Variants in MZT2B observed in about 807,000 individuals in gnomAD.
The protein encoded by MZT2B is mitotic-spindle organizing protein 2B.
MZT2B carries 11 observed loss-of-function variants against 12.1 expected under a neutral mutation model. That is an observed-to-expected ratio of 0.91 (90% CI 0.57 to 1.50). MZT2B has a LOEUF of 1.50. Ranked by LOEUF, MZT2B falls within the 40% of genes most tolerant of loss-of-function variation. MZT2B has a pLI of 0.00. For missense variants in MZT2B, 209 were observed against 227.7 expected (o/e 0.92, Z 0.53); for synonymous variants, 85 against 109.5 (o/e 0.78, Z 1.40).
intron 2 of MZT2B, chr2:130,184,200 C>G: frequency 7.0e-7 from 1 of 1,434,340 alleles, no homozygotes; most frequent in Non-Finnish European, 9.1e-7. Flanking sequence ...ACCAACACCC[C>G]CACACCCCAG....
chr2:130,192,129 T>C (rs1267897504), downstream of MZT2B: 9 of 1,591,420 alleles, frequency 5.7e-6, no homozygotes, highest in Non-Finnish European at 6.8e-6. Flanking sequence ...AATGCCCACC[T>C]GCCAGAGAAG....
chr2:130,195,367 G>A (rs1690379656), downstream of MZT2B: 22 of 1,317,266 alleles, frequency 1.7e-5, no homozygotes, highest in Non-Finnish European at 2.2e-5. Context: ...CAGTGGCAGT[G>A]TCTGGTAGAA....
downstream of MZT2B, chr2:130,192,189 A>C: frequency 6.5e-7 from 1 of 1,545,178 alleles, no homozygotes; most frequent in Non-Finnish European, 8.7e-7. Context: ...AATGGTAGCT[A>C]CTTCTCCTCA....
chr2:130,190,283 T>C (rs1486678471), intron 2 of MZT2B, among the ~76,000 whole-genome samples, 186 bp from the exon 3 acceptor site: 1 of 152,206 alleles, frequency 6.6e-6, no homozygotes, highest in African/African-American at 2.4e-5. Flanking sequence ...TGCGAAGGGC[T>C]TCTGGGGCGT....
chr2:130,181,713 A>AGG, upstream of MZT2B: 1 of 1,547,818 alleles, frequency 6.5e-7, no homozygotes. Flanking sequence ...CGGGCGGGGA[A>AGG]GAGAAATGGC....
chr2:130,192,022 A>G (rs780566259), downstream of MZT2B: 1 of 1,614,100 alleles, frequency 6.2e-7, no homozygotes, highest in African/African-American at 1.3e-5. Context: ...AGGCGGGCCC[A>G]GGCCTCCGCA....
the MZT2B span, among the ~76,000 whole-genome samples, chr2:130,201,137 G>A: frequency 3.8e-3 from 583 of 152,334 alleles, 1 homozygote; most frequent in Non-Finnish European, 6.4e-3. Context: ...GTGGCCTTTG[G>A]GGACCTCTGA....
chr2:130,202,388 G>C, the MZT2B span: 67 of 1,290,806 alleles, frequency 5.2e-5, 1 homozygote, highest in South Asian at 3.4e-4. Context: ...AGCTACGGGG[G>C]CCAGAGAAGC....
At chr2:130,194,492 C>T, downstream of MZT2B, 1 of 1,523,650 alleles carries the variant, frequency 6.6e-7, no homozygotes, top group Non-Finnish European at 8.8e-7. Flanking sequence ...CAACGTGAGC[C>T]AATGCCCGTG....
At chr2:130,202,355 G>C in the MZT2B span, 5 of 1,290,004 alleles carry the variant, frequency 3.9e-6, no homozygotes, top group Non-Finnish European at 5.1e-6. Context: ...ACAAGGCGGC[G>C]CCTCGACAAG....
intron 2 of MZT2B, among the ~76,000 whole-genome samples, chr2:130,188,580 A>G (rs1250437182): frequency 6.6e-6 from 1 of 152,174 alleles, no homozygotes; most frequent in Non-Finnish European, 1.5e-5. Context: ...GCTCAGGGCA[A>G]CCCTGACTCC....
Position 130,190,524 on chromosome 2 carries a change from C to A in MZT2B, c.375C>A (p.Ser125Arg), listed in dbSNP as rs370291415. The change falls in exon 3 of 3, where the codon AGC becomes AGA. Residue 125 changes from serine (S) to arginine (R), a missense_variant. Ser to Arg is a moderately radical substitution (Grantham distance 110). Coordinates refer to ENST00000281871, the MANE Select transcript of MZT2B (RefSeq NM_025029.5). ...GAGCATTGGCCCTGGCGGAACGCAGCAGCCGCGAAGGATCCAGCCAGAGGA... is the reference window on the plus strand; with the variant it reads ...GAGCATTGGCCCTGGCGGAACGCAGAAGCCGCGAAGGATCCAGCCAGAGGA... ...LGGALALAERSSREGSSQRMP... is the reference protein window; with the variant it reads ...LGGALALAERRSREGSSQRMP... 16 of 1,613,728 alleles carry A rather than the reference C, an allele frequency of 9.9e-6. No individual in the cohort carries two copies. In the African/African-American group the frequency reaches 1.9e-4, roughly 19 times the overall value.
downstream of MZT2B, chr2:130,192,138 A>T (rs766534709): frequency 6.3e-7 from 1 of 1,589,664 alleles, no homozygotes; most frequent in Non-Finnish European, 8.6e-7. Context: ...CTGCCAGAGA[A>T]GGGAAAGAAA....
At chr2:130,191,896 T>C (rs576105082), downstream of MZT2B, 20 of 1,613,898 alleles carry the variant, frequency 1.2e-5, no homozygotes, top group Admixed American at 1.7e-4. Context: ...TCACAATCCT[T>C]CTCTAGAGCT....
In MZT2B at chr2:130,190,576, C is replaced by T. The variant is rs913434607; in HGVS notation, c.427C>T (p.Leu143=). The T allele has an allele frequency of 1.2e-6, 2 of 1,613,456 alleles. No homozygotes were observed. The highest frequency in any genetic ancestry group is 1.7e-6 in the Non-Finnish European group (2 of 1,179,826). ...RMPRQPSATR[L]PKGGGPGKSP... is the part of the protein sequence containing the mutation. ...GCCACGCCAGCCCAGCGCTACCAGGCTGCCCAAGGGGGGCGGGCCTGGGAA... is the reference window on the plus strand; with the variant it reads ...GCCACGCCAGCCCAGCGCTACCAGGTTGCCCAAGGGGGGCGGGCCTGGGAA... Residue 143 remains leucine (L), a synonymous_variant, in exon 3 of 3, where the codon CTG becomes TTG. Coordinates refer to ENST00000281871, the MANE Select transcript of MZT2B (RefSeq NM_025029.5).
rs770888686 is a variant in MZT2B, at chr2:130,190,507, G to C, written c.358G>C (p.Ala120Pro). 13 of 1,613,662 alleles carry C rather than the reference G, an allele frequency of 8.1e-6. No individual in the cohort carries two copies. The East Asian group carries it at 2.5e-4, about 30-fold the overall frequency. ...CAGCGCTGCCCTCGGGGGAGCATTG[G>C]CCCTGGCGGAACGCAGCAGCCGCGA... ...KGSAALGGAL[A>P]LAERSSREGS... Residue 120 changes from alanine to proline, a missense_variant, in exon 3 of 3, where the codon GCC becomes CCC. Coordinates refer to ENST00000281871, the MANE Select transcript of MZT2B (RefSeq NM_025029.5).
At chr2:130,183,891 G>T (rs1689934682) in intron 2 of MZT2B, 2 of 1,550,574 alleles carry the variant, frequency 1.3e-6, no homozygotes, top group Non-Finnish European at 1.7e-6. Flanking sequence ...CAGCCCGGCT[G>T]CCACACACTC....
chr2:130,196,332 G>A, the MZT2B span: 1 of 1,613,990 alleles, frequency 6.2e-7, no homozygotes, highest in Non-Finnish European at 8.5e-7. Context: ...TTGCCGATCT[G>A]GACACCCGCC....
chr2:130,185,588 G>A (rs1433037272), intron 2 of MZT2B, among the ~76,000 whole-genome samples: 2 of 108,486 alleles, frequency 1.8e-5, no homozygotes, highest in African/African-American at 7.7e-5. Context: ...ACAGCAGGAG[G>A]GGGGTCGGCA....
Sources: gnomAD v4.1 joint callset for allele counts (sites outside exome capture counted in the v4.1 genomes callset) on GRCh38, gnomAD v4.1.1 for gene constraint, MANE v1.5 for transcripts, NCBI Gene and HGNC (gene_info 2026-07-23, HGNC 2026-07-21) for gene names.